The following FGF12 variants were observed in gnomAD, a reference collection of about 807,000 sequenced individuals.
FGF12 encodes the protein fibroblast growth factor 12B.
In FGF12, 14 loss-of-function variants were observed where a neutral mutation model predicts 23.6. That is an observed-to-expected ratio of 0.59 (90% confidence interval 0.39 to 0.93). FGF12 has a LOEUF of 0.93. FGF12 is among the 40% of genes least tolerant of loss of function. The pLI, the probability that FGF12 is intolerant of heterozygous loss-of-function variation, is 0.00. For synonymous variants in FGF12, 62 were observed against 77.3 expected (o/e 0.80, Z 1.04); for missense variants, 175 against 217.8 (o/e 0.80, Z 1.24).
chr3:192,676,935 T>C (rs1372148608), intron 2 of FGF12, among the ~76,000 whole-genome samples: 3 of 152,230 alleles, frequency 2.0e-5, no homozygotes, highest in African/African-American at 4.8e-5. Context: ...ATTTCTGTTA[T>C]TGAAGCCGCT....
intron 4 of FGF12, among the ~76,000 whole-genome samples, chr3:192,219,467 C>T (rs191261090): frequency 5.3e-4 from 80 of 152,194 alleles, no homozygotes; most frequent in African/African-American, 1.8e-3. Flanking sequence ...TACTTAAACA[C>T]GAAAAACCCC....
chr3:192,405,661 T>TCC (rs1220084099), intron 2 of FGF12, among the ~76,000 whole-genome samples: 2,620 of 137,216 alleles, frequency 0.019, 86 homozygotes, highest in African/African-American at 0.064. Context: ...CAGATTCGAA[T>TCC]AGTTTTTCTT....
intron 4 of FGF12, among the ~76,000 whole-genome samples, chr3:192,331,100 A>G (rs1219205507): frequency 6.6e-6 from 1 of 152,158 alleles, no homozygotes; most frequent in Non-Finnish European, 1.5e-5. Context: ...ACTAGCAGGT[A>G]TGTTAAAAGA....
intron 2 of FGF12, among the ~76,000 whole-genome samples, chr3:192,676,410 A>G (rs921086199): frequency 6.6e-6 from 1 of 152,226 alleles, no homozygotes; most frequent in Non-Finnish European, 1.5e-5. Context: ...TCTGAGTCAC[A>G]TTGCAAATTA....
chr3:192,658,497 G>A (rs999438656), intron 2 of FGF12, among the ~76,000 whole-genome samples: 3 of 152,228 alleles, frequency 2.0e-5, no homozygotes, highest in African/African-American at 7.2e-5. Flanking sequence ...TCCTCATGGA[G>A]AGCAGAGCAA....
At chr3:192,648,307 C>T (rs1200619229) in intron 2 of FGF12, among the ~76,000 whole-genome samples, 1 of 151,774 alleles carries the variant, frequency 6.6e-6, no homozygotes, top group East Asian at 1.9e-4. Context: ...AATAATGTAT[C>T]CTAGAAAAAA....
At chr3:192,329,529 T>C (rs1051357924) in intron 4 of FGF12, among the ~76,000 whole-genome samples, 1 of 152,152 alleles carries the variant, frequency 6.6e-6, no homozygotes, top group Non-Finnish European at 1.5e-5. Context: ...CAAGGTTCAG[T>C]TCAAACAACT....
At chr3:192,382,406 T>A (rs2108754279) in intron 2 of FGF12, among the ~76,000 whole-genome samples, 1 of 152,270 alleles carries the variant, frequency 6.6e-6, no homozygotes, top group Non-Finnish European at 1.5e-5. Context: ...GAACTTCAAA[T>A]ATATAGCCAT....
At chr3:192,330,365 C>T (rs1019977882) in intron 4 of FGF12, among the ~76,000 whole-genome samples, 16 of 152,110 alleles carry the variant, frequency 1.1e-4, no homozygotes, top group African/African-American at 3.9e-4. Flanking sequence ...CAGTATGGTA[C>T]TGGCACAAAG....
intron 4 of FGF12, among the ~76,000 whole-genome samples, chr3:192,218,438 A>T (rs9837283): frequency 6.6e-6 from 1 of 152,108 alleles, no homozygotes; most frequent in Non-Finnish European, 1.5e-5. Flanking sequence ...ATGGTTAAAT[A>T]CTATCCCTTT....
chr3:192,306,946 A>G (rs1715681977), intron 4 of FGF12, among the ~76,000 whole-genome samples: 1 of 152,188 alleles, frequency 6.6e-6, no homozygotes, highest in Non-Finnish European at 1.5e-5. Context: ...TTATTTAAAA[A>G]TATTTATTTA....
intron 4 of FGF12, among the ~76,000 whole-genome samples, chr3:192,272,778 T>C (rs1390107523): frequency 1.3e-5 from 2 of 152,142 alleles, no homozygotes; most frequent in Non-Finnish European, 2.9e-5. Context: ...CAACTGATCA[T>C]AGCCATTGTA....
chr3:192,371,309 A>T (rs968105448), intron 2 of FGF12, among the ~76,000 whole-genome samples: 3 of 152,216 alleles, frequency 2.0e-5, no homozygotes, highest in African/African-American at 7.2e-5. Context: ...CAATCCCTGG[A>T]GTCAGAGCTC....
intron 3 of FGF12, among the ~76,000 whole-genome samples, chr3:192,343,881 A>T (rs866401565): frequency 6.6e-6 from 1 of 152,176 alleles, no homozygotes; most frequent in South Asian, 2.1e-4. Flanking sequence ...TTGTTACTGA[A>T]TTTAACCCTC....
At chr3:192,155,238 G>C (rs926891928) in intron 5 of FGF12, among the ~76,000 whole-genome samples, 1 of 152,068 alleles carries the variant, frequency 6.6e-6, no homozygotes, top group African/African-American at 2.4e-5. Context: ...AGATGAACCC[G>C]GTACCTCAGA....
chr3:192,215,925 G>C (rs1479870515), intron 4 of FGF12, among the ~76,000 whole-genome samples: 1 of 151,990 alleles, frequency 6.6e-6, no homozygotes, highest in Non-Finnish European at 1.5e-5. Context: ...TCACTTTGCT[G>C]CCCTCCTCTC....
intron 3 of FGF12, among the ~76,000 whole-genome samples, chr3:192,349,704 C>G (rs1352249667): frequency 6.6e-6 from 1 of 152,050 alleles, no homozygotes. Context: ...ACTCAATTTT[C>G]TTCCTATTTT....
chr3:192,158,468 CT>C (rs1243519396), intron 5 of FGF12, among the ~76,000 whole-genome samples: 1 of 142,044 alleles, frequency 7.0e-6, no homozygotes, highest in Non-Finnish European at 1.5e-5. Flanking sequence ...TGCTTTCTTG[CT>C]CTTTGTCTCT....
intron 2 of FGF12, among the ~76,000 whole-genome samples, chr3:192,542,262 T>C (rs1676691531): frequency 6.6e-6 from 1 of 152,186 alleles, no homozygotes; most frequent in African/African-American, 2.4e-5. Context: ...TTCCACCTGA[T>C]TTATTCTGCT....
Sources: allele counts gnomAD v4.1 joint callset (sites outside exome capture counted in the v4.1 genomes callset), GRCh38; gene constraint gnomAD v4.1.1; transcripts MANE v1.5; gene names NCBI Gene and HGNC (gene_info 2026-07-23, HGNC 2026-07-21).